Variants in ZNF428 observed in about 807,000 individuals in gnomAD.
ZNF428 encodes the protein enzyme-like protein PIT13.
A neutral mutation model predicts 15.6 loss-of-function variants in ZNF428; 5 were observed. The ratio of observed to expected loss-of-function variants is 0.32; its 90% CI spans 0.17 to 0.67. ZNF428 has a LOEUF of 0.67. Ranked by LOEUF, ZNF428 falls within the 30% of genes least tolerant of loss-of-function variation. The probability of loss-of-function intolerance (pLI) is 0.73; values close to 1 mark genes in which losing one functional copy is unlikely to be tolerated. For missense variants in ZNF428, 237 were observed against 256.0 expected (o/e 0.93, Z 0.51); for synonymous variants, 97 against 102.2 (o/e 0.95, Z 0.31).
At chr19:43,616,683 C>T (rs2146123509) in intron 1 of ZNF428, among the ~76,000 whole-genome samples, 1 of 152,294 alleles carries the variant, frequency 6.6e-6, no homozygotes, top group Non-Finnish European at 1.5e-5. Flanking sequence ...GCCATTACTA[C>T]TCCCACCCCT....
At chr19:43,611,339 CGA>C (rs1209894023) in intron 2 of ZNF428, among the ~76,000 whole-genome samples, 54 of 146,348 alleles carry the variant, frequency 3.7e-4, no homozygotes, top group Admixed American at 1.2e-3. Flanking sequence ...TTTTTTTTTT[CGA>C]GAGAGAGTCT....
chr19:43,612,952 G>C lies in ZNF428; in HGVS notation c.76+1277C>G. On this transcript the variant is annotated intron_variant, in intron 2 of 2. Transcript: ENST00000300811. The surrounding 1 kb of genome is among the most constrained non-coding windows in gnomAD (Gnocchi z 4.2). Reference sequence around the variant, plus strand: ...ATAACCAGGCCAGCACCCGCAGCAGGCCGCAAAGTCACAGCCAATCTAGAA... The same window carrying C: ...ATAACCAGGCCAGCACCCGCAGCAGCCCGCAAAGTCACAGCCAATCTAGAA... The C allele has an allele frequency of 6.4e-7, 1 of 1,551,682 alleles. No homozygotes were observed. The highest frequency in any genetic ancestry group is 8.7e-7 in the Non-Finnish European group (1 of 1,146,978).
At chr19:43,613,707 A>T in intron 2 of ZNF428, 1 of 1,551,642 alleles carries the variant, frequency 6.4e-7, no homozygotes, top group Non-Finnish European at 8.7e-7. Context: ...AGCCCCAGCA[A>T]GGAGAGACAG....
chr19:43,616,937 G>GCCA (rs1973377319), intron 1 of ZNF428, among the ~76,000 whole-genome samples: 1 of 151,148 alleles, frequency 6.6e-6, no homozygotes, highest in Admixed American at 6.6e-5. Context: ...ATTACAGGCA[G>GCCA]CCACCACCAC....
Position 43,612,054 on chromosome 19 carries a change from C to A in ZNF428, c.76+2175G>T. 1 of 1,221,108 alleles carries A rather than the reference C, an allele frequency of 8.2e-7. No homozygotes were observed. The allele number at this position is 1,221,108 out of a possible 1,614,324, so 75.6% of individuals were successfully genotyped here. A position where few individuals can be genotyped will look rare whatever the true frequency, so the allele number is the denominator to read the frequency against. ...GGCCTGTGACAGGCAATCAGGTCAT[C>A]GTCCACGGCTACCAGGTGTTTCATG... is the stretch of plus-strand genomic sequence containing the variant. On this transcript the variant is annotated intron_variant, in intron 2 of 2. Coordinates refer to ENST00000300811, the MANE Select transcript of ZNF428 (RefSeq NM_182498.4). This position sits in a 1 kb window ranked among gnomAD's most constrained non-coding sequence, Gnocchi z 4.2.
At chr19:43,619,007 CAA>C (rs1973403442) in intron 1 of ZNF428, among the ~76,000 whole-genome samples, 1 of 152,148 alleles carries the variant, frequency 6.6e-6, no homozygotes, top group Non-Finnish European at 1.5e-5. Context: ...AACTGAAAGG[CAA>C]ACACAGTGCT....
At chr19:43,618,504 C>A (rs1423864411) in intron 1 of ZNF428, among the ~76,000 whole-genome samples, 2 of 151,038 alleles carry the variant, frequency 1.3e-5, no homozygotes, top group Admixed American at 1.3e-4. Flanking sequence ...AGGTACCCTA[C>A]TAGCCCCTAG....
rs10424446 is a variant in ZNF428 at position 43,615,337 on chromosome 19, T to C, written c.-130-903A>G. Among the ~76,000 whole-genome samples the C allele has an allele frequency of 6.7e-3, 1,012 of 151,996 alleles. 12 individuals are homozygous for C. The highest frequency in any genetic ancestry group is 0.023 in the African/African-American group (971 of 41,494). On this transcript the variant is annotated intron_variant, in intron 1 of 2. Transcript: ENST00000300811. ...ACCATGTTGCCCAGAGCTCAAGCAA[T>C]CTGCCCACTTCAGCCCTCCAAAGTG...
intron 2 of ZNF428, among the ~76,000 whole-genome samples, chr19:43,611,519 CTTG>C (rs1973297326): frequency 6.6e-6 from 1 of 152,098 alleles, no homozygotes; most frequent in African/African-American, 2.4e-5. Flanking sequence ...GGGGTTTCAC[CTTG>C]TTGGTTAGGC....
At chr19:43,613,708 GGA>G (rs1568535518) in intron 2 of ZNF428, 2 of 1,551,442 alleles carry the variant, frequency 1.3e-6, no homozygotes, top group Non-Finnish European at 1.7e-6. Context: ...GCCCCAGCAA[GGA>G]GAGACAGCGC....
intron 1 of ZNF428, among the ~76,000 whole-genome samples, chr19:43,617,973 T>C (rs1322014833): frequency 1.3e-5 from 2 of 149,378 alleles, no homozygotes; most frequent in African/African-American, 4.9e-5. Context: ...GCGATTATCC[T>C]GCCCCAGCCT....
intron 1 of ZNF428, chr19:43,614,641 C>T: frequency 3.8e-6 from 1 of 263,288 alleles, no homozygotes; most frequent in Admixed American, 4.9e-5. Context: ...CTCTGTTGCC[C>T]AGGCTGGAGT....
rs371308235 is a variant in ZNF428 at position 43,613,755 on chromosome 19, G to A, written c.76+474C>T. 2.7e-5 allele frequency: 41 copies of A among 1,546,708 alleles called. No homozygotes were observed. Among genetic ancestry groups the A allele is most frequent in the African/African-American group, 7.0e-5 (5 of 71,348 alleles). On this transcript the variant is annotated intron_variant, in intron 2 of 2. Transcript: ENST00000300811. Reference sequence around the variant, plus strand: ...AGAAGCCCCAACAAGGAGAGAGATCGCAGCCAATCTAGAAGCCCCAGCGAG... The same window carrying A: ...AGAAGCCCCAACAAGGAGAGAGATCACAGCCAATCTAGAAGCCCCAGCGAG...
At chr19:43,618,566 CTTTTTT>C (rs551668437) in intron 1 of ZNF428, among the ~76,000 whole-genome samples, 42 of 98,334 alleles carry the variant, frequency 4.3e-4, no homozygotes, top group African/African-American at 1.6e-3. Flanking sequence ...TTAATTTTTA[CTTTTTT>C]TTTTTTTTTT....
chr19:43,616,743 A>G (rs1361309663), intron 1 of ZNF428, among the ~76,000 whole-genome samples: 1 of 151,316 alleles, frequency 6.6e-6, no homozygotes, highest in African/African-American at 2.4e-5. Context: ...CTCCCTGTGC[A>G]CACAAGGCCT....
At chr19:43,610,579 CT>C (rs1973285270) in intron 2 of ZNF428, among the ~76,000 whole-genome samples, 2 of 151,526 alleles carry the variant, frequency 1.3e-5, no homozygotes, top group South Asian at 4.3e-4. Context: ...AGAGCTGGGA[CT>C]TTGTCTGGTT....
At chr19:43,609,359 G>GGAGAGAGAGAGAGAGAGAGAGAGTGAGA (rs55665674) in intron 2 of ZNF428, among the ~76,000 whole-genome samples, 1 of 81,762 alleles carries the variant, frequency 1.2e-5, no homozygotes, top group African/African-American at 3.7e-5. Context: ...CTGTGGCCAT[G>GGAGAGAGAGAGAGAGAGAGAGAGTGAGA]GAGAGAGAGA....
intron 2 of ZNF428, 29 bp downstream of exon 2, chr19:43,614,200 C>T (rs1973347736): frequency 9.3e-6 from 15 of 1,614,076 alleles, no homozygotes; most frequent in Non-Finnish European, 1.2e-5. Flanking sequence ...ACAGTCAAGC[C>T]GACGCCACCA....
Position 43,607,539 on chromosome 19 carries a change from AC to A in ZNF428, c.*77del. 1 of 1,459,700 alleles carries A rather than the reference AC, an allele frequency of 6.9e-7. No individual in the cohort carries two copies. Among genetic ancestry groups the A allele is most frequent in the Non-Finnish European group, 9.2e-7 (1 of 1,091,446 alleles). The allele number at this position is 1,459,700 out of a possible 1,614,324, so 90.4% of individuals were successfully genotyped here. ...CGGCAGTACCCCATCCCCCATGACCACTGTCACAACCCCAATTTCCTCAGCC... is the reference window on the plus strand; with the variant it reads ...CGGCAGTACCCCATCCCCCATGACCATGTCACAACCCCAATTTCCTCAGCC... On this transcript the variant is annotated 3_prime_UTR_variant, in exon 3 of 3. Coordinates refer to ENST00000300811, the MANE Select transcript of ZNF428 (RefSeq NM_182498.4). This position sits in a 1 kb window ranked among gnomAD's most constrained non-coding sequence, Gnocchi z 5.1.
Sources: gnomAD v4.1 joint callset for allele counts (sites outside exome capture counted in the v4.1 genomes callset) on GRCh38, gnomAD v4.1.1 for gene constraint, Gnocchi (gnomAD v3.1) non-coding constraint, MANE v1.5 for transcripts, NCBI Gene and HGNC (gene_info 2026-07-23, HGNC 2026-07-21) for gene names.